Variants in COL11A1 observed in about 807,000 individuals in gnomAD.
COL11A1 encodes the protein collagen type XI alpha 1 chain.
In COL11A1, 74 loss-of-function variants were observed where a neutral mutation model predicts 265.2. The observed-to-expected ratio is 0.28, with a 90% confidence interval of 0.23 to 0.34. COL11A1 has a LOEUF of 0.34. COL11A1 is among the 10% of genes least tolerant of loss of function. The pLI is 1.00. For missense variants in COL11A1, 2,165 were observed against 2,263.6 expected (o/e 0.96, Z 0.88); for synonymous variants, 816 against 727.6 (o/e 1.12, Z -1.96).
intron 4 of COL11A1, among the ~76,000 whole-genome samples, chr1:103,060,345 A>G (rs1194744570): frequency 6.6e-6 from 1 of 152,162 alleles, no homozygotes; most frequent in Non-Finnish European, 1.5e-5. Flanking sequence ...CTTGCAAGCA[A>G]TGTTAAAATA....
At chr1:103,010,122 A>G (rs1375860116) in intron 14 of COL11A1, among the ~76,000 whole-genome samples, 3 of 152,198 alleles carry the variant, frequency 2.0e-5, no homozygotes, top group Non-Finnish European at 2.9e-5. Flanking sequence ...CACTTCCTGA[A>G]TGTTTTATGA....
chr1:103,009,233 G>A (rs1299767761), intron 14 of COL11A1, among the ~76,000 whole-genome samples: 3 of 152,106 alleles, frequency 2.0e-5, no homozygotes, highest in East Asian at 3.9e-4. Flanking sequence ...GGCCAATATA[G>A]TGAAACTCCG....
At chr1:102,979,971 A>G (rs572048553) in intron 31 of COL11A1, among the ~76,000 whole-genome samples, 1 of 152,292 alleles carries the variant, frequency 6.6e-6, no homozygotes, top group African/African-American at 2.4e-5. Flanking sequence ...GTATTTGAAT[A>G]CAACTATATC....
Position 103,030,556 on chromosome 1 carries a change from C to CA in COL11A1, c.780+559dup, listed in dbSNP as rs35873874. Among the ~76,000 whole-genome samples, 1,205 of 143,134 alleles carry CA rather than the reference C, an allele frequency of 8.4e-3. 15 individuals are homozygous for CA. Among genetic ancestry groups the CA allele is most frequent in the East Asian group, 0.021 (103 of 4,968 alleles). 93.9% of individuals were successfully genotyped at this position (143,134 alleles called of 152,430 possible). A position where few individuals can be genotyped will look rare whatever the true frequency, so the allele number is the denominator to read the frequency against. On this transcript the variant is annotated intron_variant, in intron 5 of 66. Transcript: ENST00000370096. ...CTCTAAGTCTTAAAAATTCAAAATC[C>CA]AAAAAAAAAAAATCCAAAAATATAG... is the stretch of plus-strand genomic sequence containing the variant.
chr1:102,917,436 TTC>T (rs1655470426), intron 49 of COL11A1, among the ~76,000 whole-genome samples: 2 of 151,890 alleles, frequency 1.3e-5, no homozygotes, highest in Admixed American at 1.3e-4. Flanking sequence ...AGGCAAATAA[TTC>T]ATGACTAAGA....
At chr1:103,027,434 T>TATATATATATAC (rs1667628065) in intron 5 of COL11A1, among the ~76,000 whole-genome samples, 8 of 80,026 alleles carry the variant, frequency 1.0e-4, no homozygotes, top group Non-Finnish European at 1.9e-4. Flanking sequence ...TATATATATA[T>TATATATATATAC]ATATATATAT....
At chr1:103,081,650 T>C (rs1032537973) in intron 2 of COL11A1, among the ~76,000 whole-genome samples, 2 of 151,922 alleles carry the variant, frequency 1.3e-5, no homozygotes, top group Non-Finnish European at 2.9e-5. Context: ...AAGTGTACTG[T>C]GCTGTTTTGT....
intron 44 of COL11A1, among the ~76,000 whole-genome samples, chr1:102,936,100 T>C (rs1658111344): frequency 2.0e-5 from 3 of 152,176 alleles, no homozygotes; most frequent in Non-Finnish European, 4.4e-5. Context: ...GTCATGGATG[T>C]AATTGTATTG....
At chr1:102,932,281 A>G (rs970179089) in intron 46 of COL11A1, among the ~76,000 whole-genome samples, 5 of 152,080 alleles carry the variant, frequency 3.3e-5, no homozygotes, top group Non-Finnish European at 7.4e-5. Flanking sequence ...CTTTTAGGGC[A>G]GGCCTGGTGG....
chr1:102,893,399 C>T (rs1038949625), intron 57 of COL11A1, among the ~76,000 whole-genome samples: 5 of 152,034 alleles, frequency 3.3e-5, no homozygotes, highest in African/African-American at 9.7e-5. Flanking sequence ...CAAACAAAAT[C>T]AGTTTTTATT....
intron 1 of COL11A1, among the ~76,000 whole-genome samples, chr1:103,099,569 G>T (rs1290410471): frequency 2.0e-5 from 3 of 151,180 alleles, no homozygotes. Flanking sequence ...GAGATGAAAG[G>T]TTCAATAATG....
At chr1:102,901,100 G>A (rs149113107) in intron 54 of COL11A1, among the ~76,000 whole-genome samples, 1,908 of 151,968 alleles carry the variant, frequency 0.013, 46 homozygotes, top group South Asian at 0.1. Context: ...CAGGCGGATC[G>A]CCTCAGGCCA....
rs1667505922 is a variant in COL11A1 at position 103,026,250 on chromosome 1, G to A, written c.863C>T (p.Pro288Leu). 1 of 1,613,218 alleles carries A rather than the reference G, an allele frequency of 6.2e-7. No individual in the cohort carries two copies. The highest frequency in any genetic ancestry group is 8.5e-7 in the Non-Finnish European group (1 of 1,179,438). The change falls in exon 6 of 67, where the codon CCC becomes CTC. Residue 288 changes from proline (P) to leucine (L), a missense_variant. Pro to Leu is a moderately conservative substitution (Grantham distance 98). Transcript: ENST00000370096. ...TGCTATTGTCTCCTCAGTTACAGTG[G>A]GTCCCTCTGTTACACTTTCAGCCTC... ...YKEAESVTEG[P>L]TVTEETIAQT...
intron 41 of COL11A1, among the ~76,000 whole-genome samples, chr1:102,948,216 C>T (rs902944802): frequency 2.0e-5 from 3 of 151,968 alleles, no homozygotes; most frequent in Non-Finnish European, 4.4e-5. Flanking sequence ...CTTTACAATT[C>T]ACAAATCAGT....
chr1:103,062,094 A>C (rs1361281969), intron 4 of COL11A1, among the ~76,000 whole-genome samples: 2 of 152,032 alleles, frequency 1.3e-5, no homozygotes, highest in African/African-American at 2.4e-5. Context: ...AGATGAAATA[A>C]GTCAATTCCT....
chr1:102,888,966 A>C (rs369961901), intron 59 of COL11A1, 47 bp from the exon 60 acceptor site: 1 of 1,540,094 alleles, frequency 6.5e-7, no homozygotes. Context: ...CAGCTATTTC[A>C]TTTTCATGTT....
chr1:102,897,077 T>C (rs997183247), intron 57 of COL11A1, among the ~76,000 whole-genome samples: 1 of 152,060 alleles, frequency 6.6e-6, no homozygotes, highest in African/African-American at 2.4e-5. Flanking sequence ...ACTAAATAAG[T>C]GATCTTTAAA....
chr1:102,877,084 C>A lies in COL11A1; in HGVS notation c.*935G>T, dbSNP rs1461249241. On this transcript the variant is annotated 3_prime_UTR_variant, in exon 67 of 67. Transcript: ENST00000370096. Reference sequence around the variant, plus strand: ...TATTAACCTGCATTATTGAAGCACACTGAAAACAAGGAGATGAGATAACGT... The same window carrying A: ...TATTAACCTGCATTATTGAAGCACAATGAAAACAAGGAGATGAGATAACGT... 1.3e-5 allele frequency: 2 copies of A among 152,478 alleles called. No individual in the cohort carries two copies. The highest frequency in any genetic ancestry group is 1.9e-4 in the East Asian group (1 of 5,190). The allele number at this position is 152,478 out of a possible 1,614,324, so 9.4% of individuals were successfully genotyped here.
chr1:102,980,334 C>T (rs1181745419), intron 31 of COL11A1, among the ~76,000 whole-genome samples: 1 of 151,972 alleles, frequency 6.6e-6, no homozygotes, highest in East Asian at 1.9e-4. Context: ...CCCCAATAAC[C>T]AAATTTCCCA....
Sources: allele counts gnomAD v4.1 joint callset (sites outside exome capture counted in the v4.1 genomes callset), GRCh38; gene constraint gnomAD v4.1.1; transcripts MANE v1.5; gene names NCBI Gene and HGNC (gene_info 2026-07-23, HGNC 2026-07-21).